Variants in PPP2CA observed in about 807,000 individuals in gnomAD.
The protein encoded by PPP2CA is serine/threonine-protein phosphatase 2A catalytic subunit alpha isoform.
In PPP2CA, 5 loss-of-function variants were observed where a neutral mutation model predicts 38.8. The ratio of observed to expected loss-of-function variants is 0.13; its 90% CI spans 0.07 to 0.27. The LOEUF (loss-of-function observed/expected upper bound fraction) is 0.27. Among genes scored for constraint, PPP2CA ranks in the 10% least tolerant of loss-of-function variants. PPP2CA has a pLI of 1.00. For synonymous variants in PPP2CA, 152 were observed against 134.0 expected (o/e 1.13, Z -0.93); for missense variants, 88 against 389.7 (o/e 0.23, Z 6.52).
In PPP2CA at chr5:134,199,211, G is replaced by A. The variant is rs752935115; in HGVS notation, c.739-7C>T. On this transcript the variant is annotated splice_polypyrimidine_tract_variant and splice_region_variant and intron_variant, in intron 5 of 6. Transcript: ENST00000481195. ...CATGGCACCAGTTATATCCCTGCAA[G>A]GAAAAGGAGACAAAAATCTTACTTT... The A allele has an allele frequency of 6.3e-7, 1 of 1,595,972 alleles. No individual in the cohort carries two copies. The highest frequency in any genetic ancestry group is 8.6e-7 in the Non-Finnish European group (1 of 1,164,520).
chr5:134,207,454 G>T (rs1762108101), intron 1 of PPP2CA, among the ~76,000 whole-genome samples: 1 of 152,116 alleles, frequency 6.6e-6, no homozygotes, highest in Non-Finnish European at 1.5e-5. Context: ...AATAAAGTCA[G>T]AATTTTGGAG....
intron 1 of PPP2CA, among the ~76,000 whole-genome samples, chr5:134,209,848 C>T (rs1057510529): frequency 1.1e-4 from 16 of 151,578 alleles, no homozygotes; most frequent in African/African-American, 3.6e-4. Flanking sequence ...AAGGTAAAAG[C>T]GGGAGGATGC....
chr5:134,205,869 C>T, intron 2 of PPP2CA, 53 bp downstream of exon 2: 1 of 1,493,004 alleles, frequency 6.7e-7, no homozygotes, highest in Non-Finnish European at 9.3e-7. Flanking sequence ...AAAAAACTTT[C>T]AAGAGGACTG....
At chr5:134,199,491 T>C (rs1761928864) in intron 5 of PPP2CA, 1 of 260,650 alleles carries the variant, frequency 3.8e-6, no homozygotes, top group Non-Finnish European at 7.3e-6. Flanking sequence ...AATGAAATAC[T>C]TCTCATGTAT....
chr5:134,200,923 A>G (rs1200027251), intron 4 of PPP2CA, 62 bp downstream of exon 4: 5 of 1,323,352 alleles, frequency 3.8e-6, no homozygotes, highest in Non-Finnish European at 5.4e-6. Context: ...ATGAACTTAC[A>G]ATTAAACTTC....
chr5:134,209,126 CTT>C (rs1299382625), intron 1 of PPP2CA, among the ~76,000 whole-genome samples: 11 of 152,260 alleles, frequency 7.2e-5, no homozygotes, highest in African/African-American at 2.4e-4. Flanking sequence ...ACAGTTAACT[CTT>C]AAGTGAAATT....
intron 1 of PPP2CA, 129 bp downstream of exon 1, chr5:134,225,630 TG>T: frequency 1.4e-6 from 1 of 704,618 alleles, no homozygotes; most frequent in Non-Finnish European, 2.1e-6. Flanking sequence ...CCGGCCAGGA[TG>T]GGCGCCGGTC....
At chr5:134,201,649 T>C (rs1195318522) in intron 3 of PPP2CA, among the ~76,000 whole-genome samples, 199 bp downstream of exon 3, 5 of 152,232 alleles carry the variant, frequency 3.3e-5, no homozygotes, top group Non-Finnish European at 7.3e-5. Context: ...GTTCAGTGCC[T>C]GATATAAAGA....
chr5:134,219,235 A>C (rs1762385569), intron 1 of PPP2CA, among the ~76,000 whole-genome samples: 1 of 152,228 alleles, frequency 6.6e-6, no homozygotes, highest in African/African-American at 2.4e-5. Flanking sequence ...AACCAAACTA[A>C]GAAATCCTTA....
In PPP2CA at chr5:134,196,311, G is replaced by C. The variant is rs905678993; in HGVS notation, c.*1461C>G. 1.3e-5 allele frequency: 2 copies of C among 152,160 alleles called. No individual in the cohort carries two copies. The highest frequency in any genetic ancestry group is 4.8e-5 in the African/African-American group (2 of 41,434). 9.4% of individuals were successfully genotyped at this position (152,160 alleles called of 1,614,324 possible). A position where few individuals can be genotyped will look rare whatever the true frequency, so the allele number is the denominator to read the frequency against. On this transcript the variant is annotated 3_prime_UTR_variant, in exon 7 of 7. Transcript: ENST00000481195. ...ACTACACTCACAAGTATGATTAAGT[G>C]TTCCTGTTTACTCTGGTAGGTTAAA...
intron 6 of PPP2CA, among the ~76,000 whole-genome samples, chr5:134,198,254 G>A (rs1441887008): frequency 1.3e-5 from 2 of 151,894 alleles, no homozygotes; most frequent in African/African-American, 4.8e-5. Context: ...TTAGCCGGGC[G>A]TGGTGGCAGA....
intron 3 of PPP2CA, 77 bp downstream of exon 3, chr5:134,201,771 A>C (rs1293410355): frequency 1.1e-5 from 16 of 1,451,266 alleles, no homozygotes; most frequent in African/African-American, 2.9e-5. Flanking sequence ...TTAAGAGTGG[A>C]AAGAGTCATA....
Position 134,225,987 on chromosome 5 carries a change from G to C in PPP2CA, c.-126C>G, listed in dbSNP as rs1762573646. 3 of 811,722 alleles carry C rather than the reference G, an allele frequency of 3.7e-6. No homozygotes were observed. Among genetic ancestry groups the C allele is most frequent in the Non-Finnish European group, 5.7e-6 (3 of 526,070 alleles). The allele number at this position is 811,722 out of a possible 1,614,324, so 50.3% of individuals were successfully genotyped here. A position where few individuals can be genotyped will look rare whatever the true frequency, so the allele number is the denominator to read the frequency against. On this transcript the variant is annotated 5_prime_UTR_variant, in exon 1 of 7. Transcript: ENST00000481195. The stretch of plus-strand genomic sequence containing the variant: ...TCTGGCGGCTGTTGAGGCTGGCGCT[G>C]GCCCGCTGGCTCTCACCGCAGTACT...
chr5:134,200,648 G>C (rs1400473875), intron 4 of PPP2CA, 152 bp from the exon 5 acceptor site: 2 of 867,418 alleles, frequency 2.3e-6, no homozygotes, highest in Admixed American at 2.9e-5. Flanking sequence ...TCAAACATCT[G>C]CATCAAATAA....
At chr5:134,223,114 T>C (rs1217261385) in intron 1 of PPP2CA, among the ~76,000 whole-genome samples, 3 of 152,224 alleles carry the variant, frequency 2.0e-5, no homozygotes, top group Non-Finnish European at 2.9e-5. Context: ...GGAAGGCTTT[T>C]ACATTATCAT....
chr5:134,211,048 A>T (rs929713670), intron 1 of PPP2CA, among the ~76,000 whole-genome samples: 3 of 152,142 alleles, frequency 2.0e-5, no homozygotes, highest in African/African-American at 7.2e-5. Flanking sequence ...GAATCCAAAA[A>T]TTTGCAGATT....
At chr5:134,223,276 T>A (rs1449801199) in intron 1 of PPP2CA, among the ~76,000 whole-genome samples, 2 of 152,196 alleles carry the variant, frequency 1.3e-5, no homozygotes, top group African/African-American at 4.8e-5. Flanking sequence ...ATATGTAGCT[T>A]TCACCCAGAG....
intron 1 of PPP2CA, among the ~76,000 whole-genome samples, chr5:134,215,238 A>G (rs1762291777): frequency 6.6e-6 from 1 of 152,058 alleles, no homozygotes; most frequent in Non-Finnish European, 1.5e-5. Context: ...AGCTAGAACC[A>G]CAGGTGTGCC....
At chr5:134,212,869 C>A (rs889542138) in intron 1 of PPP2CA, among the ~76,000 whole-genome samples, 3 of 152,166 alleles carry the variant, frequency 2.0e-5, no homozygotes, top group Non-Finnish European at 2.9e-5. Context: ...AAGCCTAATT[C>A]AGAGGTAGGT....
Sources: gnomAD v4.1 joint callset for allele counts (sites outside exome capture counted in the v4.1 genomes callset) on GRCh38, gnomAD v4.1.1 for gene constraint, MANE v1.5 for transcripts, NCBI Gene and HGNC (gene_info 2026-07-23, HGNC 2026-07-21) for gene names.